The following DSE variants were observed in gnomAD, a reference collection of about 807,000 sequenced individuals.
The protein encoded by DSE is dermatan-sulfate epimerase.
DSE carries 36 observed loss-of-function variants against 84.4 expected under a neutral mutation model. The ratio of observed to expected loss-of-function variants is 0.43; its 90% CI spans 0.33 to 0.56. DSE has a LOEUF of 0.56. DSE is among the 20% of genes least tolerant of loss of function. The pLI, the probability that DSE is intolerant of heterozygous loss-of-function variation, is 0.06. For synonymous variants in DSE, 410 were observed against 430.1 expected (o/e 0.95, Z 0.58); for missense variants, 862 against 1,169.6 (o/e 0.74, Z 3.84).
At chr6:116,342,964 A>T (rs377277772) in intron 2 of DSE, among the ~76,000 whole-genome samples, 2 of 152,128 alleles carry the variant, frequency 1.3e-5, no homozygotes, top group African/African-American at 4.8e-5. Context: ...CGCTTTTCCA[A>T]TGGTCTTAGC....
intron 2 of DSE, among the ~76,000 whole-genome samples, chr6:116,326,105 C>T (rs994055807): frequency 2.0e-5 from 3 of 152,094 alleles, no homozygotes; most frequent in African/African-American, 7.2e-5. Context: ...GGTGTGGCGC[C>T]GGGCTGTCTG....
intron 2 of DSE, among the ~76,000 whole-genome samples, chr6:116,274,572 C>T (rs945350420): frequency 1.3e-5 from 2 of 149,330 alleles, no homozygotes; most frequent in African/African-American, 2.5e-5. Context: ...AAGAGCAAAA[C>T]TCTGTCTCAA....
At chr6:116,381,486 C>G (rs1324530912) in intron 1 of DSE, among the ~76,000 whole-genome samples, 1 of 152,078 alleles carries the variant, frequency 6.6e-6, no homozygotes, top group African/African-American at 2.4e-5. Context: ...TAGTTATTTC[C>G]TGGGTAATTT....
intron 2 of DSE, among the ~76,000 whole-genome samples, chr6:116,285,047 G>A (rs138990052): frequency 0.022 from 3,364 of 152,208 alleles, 136 homozygotes; most frequent in African/African-American, 0.077. Context: ...TAATGGGATG[G>A]CTGGGTCAAA....
chr6:116,264,051 A>C (rs1293099936), intron 2 of DSE, among the ~76,000 whole-genome samples: 2 of 152,102 alleles, frequency 1.3e-5, no homozygotes, highest in African/African-American at 4.8e-5. Flanking sequence ...TCAGCCTTGG[A>C]GAATATGATG....
rs187170777 is a variant in DSE, at chr6:116,274,259, T to C, written c.-54+15292T>C. On this transcript the variant is annotated intron_variant, in intron 2 of 3. Transcript: ENST00000430252. ...ATTTTCTGAACATCATGTACATTTGTAAACTAAAAATAGAGCATTTGGCCG... is the reference window on the plus strand; with the variant it reads ...ATTTTCTGAACATCATGTACATTTGCAAACTAAAAATAGAGCATTTGGCCG... Among the ~76,000 whole-genome samples, 12 of 152,124 alleles carry C rather than the reference T, an allele frequency of 7.9e-5. No homozygotes were observed. The East Asian group carries it at 2.3e-3, about 29-fold the overall frequency.
rs200853629 is a variant in DSE, at chr6:116,397,029, G to A, written c.-53-2169G>A. 2.7e-4 allele frequency among the ~76,000 whole-genome samples: 41 copies of A among 152,168 alleles called. No homozygotes were observed. In the East Asian group the frequency reaches 6.6e-3, roughly 24 times the overall value. ...CACACATTCAAAAGCTGGTAGTTGA[G>A]GGATCTTTCACTGCATGTACGTTGG... On this transcript the variant is annotated intron_variant, in intron 1 of 5. Transcript: ENST00000644252.
At chr6:116,254,544 T>C (rs1772063778) in intron 1 of DSE, among the ~76,000 whole-genome samples, 1 of 152,182 alleles carries the variant, frequency 6.6e-6, no homozygotes, top group Admixed American at 6.5e-5. Context: ...TGTTGCTGTG[T>C]TGTTATTTTT....
At chr6:116,383,502 AC>A (rs1470627513) in intron 1 of DSE, among the ~76,000 whole-genome samples, 1 of 152,214 alleles carries the variant, frequency 6.6e-6, no homozygotes, top group African/African-American at 2.4e-5. Context: ...CAACTTACTC[AC>A]CTAGATAAGG....
intron 2 of DSE, among the ~76,000 whole-genome samples, chr6:116,281,173 G>T (rs1037921528): frequency 2.6e-5 from 4 of 152,102 alleles, no homozygotes; most frequent in Non-Finnish European, 5.9e-5. Flanking sequence ...GAATAGGTGT[G>T]GGAGGGAGGA....
chr6:116,402,066 G>T (rs1329415095), intron 2 of DSE, among the ~76,000 whole-genome samples: 1 of 152,116 alleles, frequency 6.6e-6, no homozygotes, highest in African/African-American at 2.4e-5. Flanking sequence ...CGTTTATTGA[G>T]CATCTACTGT....
intron 2 of DSE, among the ~76,000 whole-genome samples, chr6:116,261,264 G>C (rs1325591081): frequency 6.6e-6 from 1 of 151,968 alleles, no homozygotes; most frequent in Non-Finnish European, 1.5e-5. Context: ...GTCTCACTCT[G>C]TCACCTAGGC....
intron 2 of DSE, chr6:116,279,244 G>A: frequency 6.2e-7 from 1 of 1,608,654 alleles, no homozygotes; most frequent in Non-Finnish European, 8.5e-7. Context: ...ACCTTCTGGC[G>A]GCTGCTCCTC....
At chr6:116,308,570 G>A (rs1385485720) in intron 2 of DSE, among the ~76,000 whole-genome samples, 1 of 152,144 alleles carries the variant, frequency 6.6e-6, no homozygotes, top group Non-Finnish European at 1.5e-5. Flanking sequence ...TTCTTGTTTT[G>A]TGACTTACTA....
In DSE at chr6:116,267,313, C is replaced by G. The variant is rs540407402; in HGVS notation, c.-54+8346C>G. ...ATGACAACTCAGTATGTGTTACTGC[C>G]TCTGAAGACCTTCTATTGGGACAAG... On this transcript the variant is annotated intron_variant, in intron 2 of 3. Transcript: ENST00000430252. Among the ~76,000 whole-genome samples, 3 of 152,190 alleles carry G rather than the reference C, an allele frequency of 2.0e-5. No homozygotes were observed. The East Asian group carries it at 5.8e-4, about 29-fold the overall frequency.
At position 116,415,446 on chromosome 6, in the gene DSE, C is replaced by T. The variant is rs192462232; in HGVS notation, c.417-11128C>T. 1.6e-3 allele frequency among the ~76,000 whole-genome samples: 238 copies of T among 152,158 alleles called. 3 individuals carry two copies. The South Asian group carries it at 0.033, about 21-fold the overall frequency. On this transcript the variant is annotated intron_variant, in intron 2 of 5. Coordinates refer to ENST00000644252, the MANE Select transcript of DSE (RefSeq NM_013352.4). Reference sequence around the variant, plus strand: ...AGATGAGTCTGTGTACTGTGCACTTCATGGATTCTTTCAATATGGAAACTT... The same window carrying T: ...AGATGAGTCTGTGTACTGTGCACTTTATGGATTCTTTCAATATGGAAACTT...
At chr6:116,331,430 C>A (rs1159670119) in intron 2 of DSE, among the ~76,000 whole-genome samples, 1 of 152,090 alleles carries the variant, frequency 6.6e-6, no homozygotes, top group South Asian at 2.1e-4. Flanking sequence ...CTTATAAAAC[C>A]ATCAGATCTC....
At position 116,444,472 on chromosome 6, in the gene DSE, A is replaced by C. The variant is rs1280032652; in HGVS notation, c.*7127A>C. On this transcript the variant is annotated 3_prime_UTR_variant, in exon 6 of 6. Transcript: ENST00000644252. ...AATTGACTGACTGCCTGAATGAATA[A>C]ATAAATTGGTGGATTAATGACTGAA... is the stretch of plus-strand genomic sequence containing the variant. 4 of 152,236 alleles carry C rather than the reference A, an allele frequency of 2.6e-5. No individual in the cohort carries two copies. Among genetic ancestry groups the C allele is most frequent in the African/African-American group, 7.2e-5 (3 of 41,470 alleles). 9.4% of individuals were successfully genotyped at this position (152,236 alleles called of 1,614,324 possible).
intron 2 of DSE, among the ~76,000 whole-genome samples, chr6:116,414,515 C>T (rs181259803): frequency 2.8e-4 from 43 of 152,180 alleles, no homozygotes; most frequent in African/African-American, 4.8e-4. Context: ...TGGGTTCAAG[C>T]GATTCTCCTG....
Sources: gnomAD v4.1 joint callset for allele counts (sites outside exome capture counted in the v4.1 genomes callset) on GRCh38, gnomAD v4.1.1 for gene constraint, MANE v1.5 for transcripts, NCBI Gene and HGNC (gene_info 2026-07-23, HGNC 2026-07-21) for gene names.